Variants in TBC1D14 observed in about 807,000 individuals in gnomAD.
TBC1D14 encodes the protein TBC1 domain family, member 14.
Under a neutral mutation model 79.0 loss-of-function variants are expected in TBC1D14, and 26 were observed. The ratio of observed to expected loss-of-function variants is 0.33; its 90% CI spans 0.24 to 0.46. The LOEUF is 0.46. TBC1D14 is among the 20% of genes least tolerant of loss of function. The pLI is 1.00. For synonymous variants in TBC1D14, 394 were observed against 349.9 expected, an observed-to-expected ratio of 1.13 and a Z score of -1.40; for missense variants, 769 against 887.6, an observed-to-expected ratio of 0.87 and a Z score of 1.70.
intron 7 of TBC1D14, among the ~76,000 whole-genome samples, chr4:7,002,398 TTG>T (rs1361904449): frequency 1.3e-5 from 2 of 152,220 alleles, no homozygotes; most frequent in African/African-American, 4.8e-5. Context: ...GCACAGTACC[TTG>T]TGTGTGTGTT....
intron 2 of TBC1D14, among the ~76,000 whole-genome samples, chr4:6,961,433 TGAG>T (rs1174422762): frequency 6.7e-6 from 1 of 148,486 alleles, no homozygotes; most frequent in Non-Finnish European, 1.5e-5. Context: ...CTGGCCCTGC[TGAG>T]GAGTTGAGTA....
intron 2 of TBC1D14, chr4:6,954,197 A>T (rs751425783): frequency 2.9e-6 from 2 of 694,962 alleles, no homozygotes; most frequent in Non-Finnish European, 5.4e-6. Context: ...GAGTGCACCC[A>T]TGGAGTTTCC....
intron 2 of TBC1D14, among the ~76,000 whole-genome samples, chr4:6,929,816 A>G (rs1475547585): frequency 6.6e-6 from 1 of 152,170 alleles, no homozygotes; most frequent in Non-Finnish European, 1.5e-5. Context: ...CCCTTTGGAG[A>G]ATGCAGTTGC....
intron 3 of TBC1D14, among the ~76,000 whole-genome samples, chr4:6,971,212 C>T (rs1378132414): frequency 6.6e-6 from 1 of 152,262 alleles, no homozygotes; most frequent in Non-Finnish European, 1.5e-5. Flanking sequence ...TTCTCAGTTT[C>T]CTCATCTGCT....
chr4:6,919,916 G>A (rs1404631166), intron 1 of TBC1D14, among the ~76,000 whole-genome samples: 1 of 152,196 alleles, frequency 6.6e-6, no homozygotes, highest in African/African-American at 2.4e-5. Context: ...ACCGTGCCCG[G>A]CCTATTTATT....
At chr4:6,973,372 C>T (rs1048308266) in intron 3 of TBC1D14, among the ~76,000 whole-genome samples, 24 of 152,124 alleles carry the variant, frequency 1.6e-4, no homozygotes, top group African/African-American at 5.3e-4. Flanking sequence ...TGCTGGCCTA[C>T]AGGCAAATTC....
chr4:6,995,293 A>C (rs1182462780), intron 4 of TBC1D14: 1 of 152,248 alleles, frequency 6.6e-6, no homozygotes. Context: ...GTTCACTTTA[A>C]AAATCTGGTC....
chr4:6,935,524 C>T (rs1712225054), intron 2 of TBC1D14, among the ~76,000 whole-genome samples: 1 of 151,830 alleles, frequency 6.6e-6, no homozygotes, highest in Non-Finnish European at 1.5e-5. Context: ...GTGCTCTCTC[C>T]CTCTCCTTCC....
chr4:6,939,379 T>C (rs2108969633), intron 2 of TBC1D14, among the ~76,000 whole-genome samples: 1 of 148,912 alleles, frequency 6.7e-6, no homozygotes. Flanking sequence ...GCTCTGTGGC[T>C]GGGGCACCTC....
At chr4:7,007,603 A>G (rs1161611919) in intron 9 of TBC1D14, 2 of 1,289,326 alleles carry the variant, frequency 1.6e-6, no homozygotes, top group East Asian at 1.1e-4. Flanking sequence ...ACAAAGCTCC[A>G]GCAGCTTTGG....
intron 3 of TBC1D14, among the ~76,000 whole-genome samples, chr4:6,991,640 G>T (rs1292723399): frequency 6.6e-6 from 1 of 152,232 alleles, no homozygotes; most frequent in Non-Finnish European, 1.5e-5. Flanking sequence ...GCGTGTCCTT[G>T]TGCAGCTGTC....
intron 3 of TBC1D14, among the ~76,000 whole-genome samples, chr4:6,967,796 G>A (rs1715831444): frequency 6.6e-6 from 1 of 152,132 alleles, no homozygotes; most frequent in Admixed American, 6.5e-5. Flanking sequence ...GGGTTTCTTG[G>A]AGCTCACATC....
At chr4:7,007,641 G>A (rs1294543376) in intron 9 of TBC1D14, 7 of 1,279,640 alleles carry the variant, frequency 5.5e-6, no homozygotes, top group African/African-American at 4.6e-5. Flanking sequence ...TGAGCCCAGC[G>A]AGCACCCCAC....
chr4:6,968,882 C>T (rs1418420815), intron 3 of TBC1D14, among the ~76,000 whole-genome samples: 1 of 152,222 alleles, frequency 6.6e-6, no homozygotes, highest in African/African-American at 2.4e-5. Context: ...TGGCCCAGTG[C>T]TGCGTCGTGG....
At chr4:6,980,841 A>G (rs1022834851) in intron 3 of TBC1D14, among the ~76,000 whole-genome samples, 13 of 149,620 alleles carry the variant, frequency 8.7e-5, no homozygotes, top group Admixed American at 3.3e-4. Flanking sequence ...TCAGCCTCCC[A>G]AGTAGCTGGG....
rs563338274 is a variant in TBC1D14 at position 7,022,871 on chromosome 4, G to A, written c.1758-2133G>A. On this transcript the variant is annotated intron_variant, in intron 12 of 13. Transcript: ENST00000409757. ...CAAACTTTAGTTCTTTGGGCTTGGG[G>A]GGGTACATTGTAGAAATCTCTTTTG... 8.5e-5 allele frequency among the ~76,000 whole-genome samples: 13 copies of A among 152,062 alleles called. No individual in the cohort carries two copies. The East Asian group carries it at 2.5e-3, about 29-fold the overall frequency.
chr4:7,030,019 G>A lies in TBC1D14; in HGVS notation c.2017-308G>A, dbSNP rs114062139. ...GCACAGGGCTTATTAGCATCCTAGC[G>A]TTCAGGCCTGGGCTTCCTGGGTGGC... On this transcript the variant is annotated intron_variant, in intron 13 of 13. Transcript: ENST00000409757. 9.6e-3 allele frequency among the ~76,000 whole-genome samples: 1,469 copies of A among 152,260 alleles called. 29 individuals are homozygous for A. Among genetic ancestry groups the A allele is most frequent in the African/African-American group, 0.033 (1,371 of 41,548 alleles).
chr4:6,957,832 G>A (rs1714782558), intron 2 of TBC1D14, among the ~76,000 whole-genome samples: 1 of 152,162 alleles, frequency 6.6e-6, no homozygotes, highest in Non-Finnish European at 1.5e-5. Context: ...GAGCCCGAGA[G>A]GTTGAGGCTG....
At chr4:7,006,836 GTT>G in intron 9 of TBC1D14, 110 bp downstream of exon 9, 1 of 869,410 alleles carries the variant, frequency 1.2e-6, no homozygotes, top group Non-Finnish European at 1.8e-6. Flanking sequence ...TTTTGGGGGT[GTT>G]AGGAGGTAGG....
Sources: allele counts gnomAD v4.1 joint callset (sites outside exome capture counted in the v4.1 genomes callset), GRCh38; gene constraint gnomAD v4.1.1; transcripts MANE v1.5; gene names NCBI Gene and HGNC (gene_info 2026-07-23, HGNC 2026-07-21).